HABP2: variants seen among roughly 807,000 people sequenced by gnomAD.
HABP2 encodes factor VII-activating protease.
In HABP2, 65 loss-of-function variants were observed where a neutral mutation model predicts 66.5. That is an observed-to-expected ratio of 0.98 (90% CI 0.80 to 1.20). The LOEUF (loss-of-function observed/expected upper bound fraction) is 1.20, where lower values mean the gene tolerates loss of function less well. Ranked by LOEUF, HABP2 falls within the 50% of genes most tolerant of loss-of-function variation. The pLI is 0.00. For missense variants in HABP2, 786 were observed against 691.0 expected (o/e 1.14, Z -1.54); for synonymous variants, 263 against 253.9 (o/e 1.04, Z -0.34).
At chr10:113,584,321 T>C in intron 11 of HABP2, 39 bp downstream of exon 11, 1 of 1,591,546 alleles carries the variant, frequency 6.3e-7, no homozygotes. Context: ...TTAGGTGAAC[T>C]ACATCAACCA....
intron 8 of HABP2, 96 bp from the exon 9 acceptor site, chr10:113,581,780 T>A: frequency 1.6e-6 from 2 of 1,265,726 alleles, no homozygotes; most frequent in Non-Finnish European, 2.3e-6. Flanking sequence ...GGACCCCTGC[T>A]CAGCTGTTGG....
intron 1 of HABP2, among the ~76,000 whole-genome samples, chr10:113,564,850 C>CTT (rs372619511): frequency 1.2e-4 from 18 of 150,512 alleles, no homozygotes; most frequent in Admixed American, 7.9e-4. Context: ...GCATCTCTCT[C>CTT]TTTTGTTTTT....
chr10:113,578,167 A>G lies in HABP2; in HGVS notation c.568+22A>G, dbSNP rs375076367. On this transcript the variant is annotated intron_variant, in intron 6 of 12. Transcript: ENST00000351270. ...ATAGGTATGGGTCTCTGCCACCATC[A>G]GGGCCACAAGTGAGGCCTCTGGAAC... The G allele has an allele frequency of 1.4e-5, 22 of 1,613,048 alleles. No homozygotes were observed. In the African/African-American group the frequency reaches 1.9e-4, roughly 14 times the overall value.
At chr10:113,587,801 G>A (rs1845680026) in intron 12 of HABP2, among the ~76,000 whole-genome samples, 1 of 152,098 alleles carries the variant, frequency 6.6e-6, no homozygotes, top group Non-Finnish European at 1.5e-5. Flanking sequence ...CTGGCAGGTG[G>A]TAGGGCCTGG....
At chr10:113,556,241 C>T (rs747986421) in intron 1 of HABP2, among the ~76,000 whole-genome samples, 4 of 152,220 alleles carry the variant, frequency 2.6e-5, no homozygotes, top group Non-Finnish European at 5.9e-5. Flanking sequence ...AGAAGATTGA[C>T]TCCAAGAGTA....
rs752624620 is a variant in HABP2 at position 113,589,085 on chromosome 10, G to GAAATC, written c.*720_*724dup. The GAAATC allele has an allele frequency of 1.2e-6, 2 of 1,612,190 alleles. No individual in the cohort carries two copies. Among genetic ancestry groups the GAAATC allele is most frequent in the Non-Finnish European group, 1.7e-6 (2 of 1,178,712 alleles). On this transcript the variant is annotated 3_prime_UTR_variant, in exon 13 of 13. Transcript: ENST00000351270. ...TCCACTGCTTCTGCCCCCCGCTGCT[G>GAAATC]AAATCAAACATACCCCAAGTTAAAA...
chr10:113,559,352 T>C (rs1234680510), intron 1 of HABP2, among the ~76,000 whole-genome samples: 2 of 152,224 alleles, frequency 1.3e-5, no homozygotes, highest in African/African-American at 4.8e-5. Flanking sequence ...TCATTGCAAA[T>C]GCCATATTCT....
Position 113,582,080 on chromosome 10 carries a change from G to A in HABP2, c.1043G>A (p.Gly348Asp), listed in dbSNP as rs140631837. 4.1e-5 allele frequency: 66 copies of A among 1,612,094 alleles called. No homozygotes were observed. In the African/African-American group the frequency reaches 6.8e-4, roughly 17 times the overall value. The change falls in exon 9 of 13, where the codon GGT (glycine) becomes GAT (aspartate). Residue 348 changes from glycine to aspartate, a missense_variant. Coordinates refer to ENST00000351270, the MANE Select transcript of HABP2 (RefSeq NM_004132.5). The stretch of plus-strand genomic sequence containing the variant: ...TCCATGCCCCAGGGCCACTTCTGTG[G>A]TGGGGCGCTGATCCACCCCTGCTGG... ...TISMPQGHFCGGALIHPCWVL... is the reference protein window; with the variant it reads ...TISMPQGHFCDGALIHPCWVL...
At chr10:113,574,206 G>GA (rs1330017391) in intron 2 of HABP2, 83 bp from the exon 3 acceptor site, 1 of 739,820 alleles carries the variant, frequency 1.4e-6, no homozygotes, top group East Asian at 2.5e-5. Flanking sequence ...ATTCTTTGGG[G>GA]AAAAGGTGTC....
chr10:113,572,840 T>G (rs867612275), intron 2 of HABP2: 7 of 253,778 alleles, frequency 2.8e-5, no homozygotes, highest in Middle Eastern at 4.3e-4. Flanking sequence ...GGTGAAACTT[T>G]GGCAAGAAAC....
In HABP2 at chr10:113,574,280, T is replaced by C. The variant is rs776996797; in HGVS notation, c.107-9T>C. The C allele has an allele frequency of 1.7e-5, 23 of 1,376,730 alleles. No individual in the cohort carries two copies. The highest frequency in any genetic ancestry group is 2.3e-5 in the Non-Finnish European group (22 of 963,656). 85.3% of individuals were successfully genotyped at this position (1,376,730 alleles called of 1,614,324 possible). A position where few individuals can be genotyped will look rare whatever the true frequency, so the allele number is the denominator to read the frequency against. ...TAGGATTTCTTCTGTCCTGTTACCA[T>C]CCCTGCAGACTGGACCCCTGACCAG... On this transcript the variant is annotated splice_polypyrimidine_tract_variant and intron_variant, in intron 2 of 12. Coordinates refer to ENST00000351270, the MANE Select transcript of HABP2 (RefSeq NM_004132.5).
intron 1 of HABP2, among the ~76,000 whole-genome samples, chr10:113,560,334 A>G (rs1184210537): frequency 2.6e-5 from 4 of 152,254 alleles, no homozygotes; most frequent in African/African-American, 9.6e-5. Flanking sequence ...CTTCATACCT[A>G]TTAGGATGGC....
intron 3 of HABP2, 58 bp from the exon 4 acceptor site, chr10:113,575,839 G>T: frequency 3.3e-6 from 3 of 921,238 alleles, no homozygotes; most frequent in South Asian, 1.4e-5. Flanking sequence ...AAATTTGGAG[G>T]GGGGCGCTTC....
chr10:113,578,602 C>G, intron 6 of HABP2, 25 bp from the exon 7 acceptor site: 2 of 1,583,662 alleles, frequency 1.3e-6, no homozygotes, highest in South Asian at 1.1e-5. Flanking sequence ...TGTTGGTTCT[C>G]ACATTGCTAC....
chr10:113,568,071 GCTCT>G (rs1302088667), intron 2 of HABP2, among the ~76,000 whole-genome samples: 4 of 152,234 alleles, frequency 2.6e-5, no homozygotes, highest in African/African-American at 2.4e-5. Flanking sequence ...CTTCACAAGG[GCTCT>G]CTGTCTCACA....
At chr10:113,578,459 T>A (rs1845455260) in intron 6 of HABP2, among the ~76,000 whole-genome samples, 168 bp from the exon 7 acceptor site, 1 of 152,198 alleles carries the variant, frequency 6.6e-6, no homozygotes, top group African/African-American at 2.4e-5. Flanking sequence ...TTAAGCAGGA[T>A]TAAATGTGGG....
At position 113,585,881 on chromosome 10, in the gene HABP2, T is replaced by G. The variant is rs775383360; in HGVS notation, c.1461T>G (p.Ile487Met). 1 of 1,613,806 alleles carries G rather than the reference T, an allele frequency of 6.2e-7. No homozygotes were observed. Among genetic ancestry groups the G allele is most frequent in the Admixed American group, 1.7e-5 (1 of 60,026 alleles). ...CCCGCCAACTCTATGACCACATGAT[T>G]GATGACAGTATGATCTGTGCAGGAA... ...CNSRQLYDHMIDDSMICAGNL... is the reference protein window; with the variant it reads ...CNSRQLYDHMMDDSMICAGNL... Residue 487 changes from isoleucine (I) to methionine (M), a missense_variant, in exon 12 of 13, where the codon ATT becomes ATG. Transcript: ENST00000351270.
chr10:113,588,837 A>AGAGT lies in HABP2; in HGVS notation c.*469_*472dup, dbSNP rs1433696415. 1.2e-5 allele frequency: 8 copies of AGAGT among 692,894 alleles called. No individual in the cohort carries two copies. The highest frequency in any genetic ancestry group is 2.1e-5 in the Non-Finnish European group (8 of 387,968). 42.9% of individuals were successfully genotyped at this position (692,894 alleles called of 1,614,324 possible). ...AATACAACATTCTCCATCTGCTTTC[A>AGAGT]GAGTTATTATTTTAATAAAGGAAGA... On this transcript the variant is annotated 3_prime_UTR_variant, in exon 13 of 13. Coordinates refer to ENST00000351270, the MANE Select transcript of HABP2 (RefSeq NM_004132.5).
chr10:113,583,791 G>A (rs1285347242), intron 10 of HABP2, among the ~76,000 whole-genome samples: 2 of 152,192 alleles, frequency 1.3e-5, no homozygotes, highest in African/African-American at 2.4e-5. Context: ...CAAATGCAAT[G>A]ACGTTCCTAG....
Sources: allele counts gnomAD v4.1 joint callset (sites outside exome capture counted in the v4.1 genomes callset), GRCh38; gene constraint gnomAD v4.1.1; transcripts MANE v1.5; gene names NCBI Gene and HGNC (gene_info 2026-07-23, HGNC 2026-07-21).